The following DLG2 variants were observed in gnomAD, a reference collection of about 807,000 sequenced individuals.
DLG2 encodes disks large homolog 2.
DLG2 carries 45 observed loss-of-function variants against 132.5 expected under a neutral mutation model. The ratio of observed to expected loss-of-function variants is 0.34; its 90% CI spans 0.27 to 0.44. The LOEUF is 0.44. Among genes scored for constraint, DLG2 ranks in the 20% least tolerant of loss-of-function variants. The pLI, the probability that DLG2 is intolerant of heterozygous loss-of-function variation, is 1.00. For missense variants in DLG2, 1,045 were observed against 1,196.9 expected (o/e 0.87, Z 1.87); for synonymous variants, 424 against 419.6 (o/e 1.01, Z -0.13).
intron 6 of DLG2, among the ~76,000 whole-genome samples, chr11:85,061,416 G>A (rs147276222): frequency 6.6e-6 from 1 of 151,736 alleles, no homozygotes; most frequent in African/African-American, 2.4e-5. Context: ...TGGCCTAGAT[G>A]AGTTACAGAA....
intron 4 of DLG2, among the ~76,000 whole-genome samples, chr11:85,278,595 T>C (rs2152748509): frequency 6.6e-6 from 1 of 151,920 alleles, no homozygotes; most frequent in East Asian, 1.9e-4. Flanking sequence ...AGCAAAACTC[T>C]GCCTCAAAGA....
intron 6 of DLG2, among the ~76,000 whole-genome samples, chr11:84,912,411 C>A (rs1211465685): frequency 6.6e-6 from 1 of 152,204 alleles, no homozygotes; most frequent in African/African-American, 2.4e-5. Context: ...CCGCCTGGGC[C>A]TCCCAAAGTG....
intron 6 of DLG2, among the ~76,000 whole-genome samples, chr11:84,546,235 T>C (rs1430055509): frequency 1.3e-5 from 2 of 152,160 alleles, no homozygotes; most frequent in African/African-American, 4.8e-5. Context: ...TGCTGTCTCA[T>C]GACAGAGTTC....
At chr11:83,661,746 G>T (rs902114039) in intron 18 of DLG2, among the ~76,000 whole-genome samples, 1 of 151,868 alleles carries the variant, frequency 6.6e-6, no homozygotes, top group Admixed American at 6.6e-5. Context: ...GCACTGCAAG[G>T]CTCCCTCAAT....
intron 16 of DLG2, among the ~76,000 whole-genome samples, chr11:83,870,589 A>G (rs990693701): frequency 6.6e-6 from 1 of 152,174 alleles, no homozygotes; most frequent in African/African-American, 2.4e-5. Flanking sequence ...CTGTGCCCCA[A>G]ACTAGCACAC....
At chr11:85,031,005 T>A (rs1040689102) in intron 6 of DLG2, among the ~76,000 whole-genome samples, 4 of 152,030 alleles carry the variant, frequency 2.6e-5, no homozygotes, top group African/African-American at 4.8e-5. Context: ...GTTTGTTACA[T>A]GAGTATATCG....
chr11:84,993,242 T>C (rs1387144976), intron 6 of DLG2, among the ~76,000 whole-genome samples: 4 of 151,990 alleles, frequency 2.6e-5, no homozygotes, highest in African/African-American at 9.7e-5. Context: ...GAGGGGAACA[T>C]CACACACTGG....
intron 7 of DLG2, among the ~76,000 whole-genome samples, chr11:84,380,386 AAAGAGTCT>A (rs1306311336): frequency 2.0e-5 from 3 of 152,076 alleles, no homozygotes; most frequent in Non-Finnish European, 4.4e-5. Context: ...AACAAATGTC[AAAGAGTCT>A]ATGCCATAGA....
chr11:83,735,490 T>C (rs1368990849), intron 18 of DLG2, among the ~76,000 whole-genome samples: 1 of 152,332 alleles, frequency 6.6e-6, no homozygotes, highest in Non-Finnish European at 1.5e-5. Context: ...CTTTTAATGA[T>C]AAATTTAATT....
intron 3 of DLG2, chr11:85,336,693 G>C (rs898586266): frequency 2.0e-5 from 3 of 152,570 alleles, no homozygotes; most frequent in Non-Finnish European, 4.4e-5. Flanking sequence ...GGCAAAGTAG[G>C]AGCCCACAGG....
intron 3 of DLG2, among the ~76,000 whole-genome samples, chr11:85,569,565 T>C (rs185688138): frequency 3.9e-5 from 6 of 152,348 alleles, no homozygotes; most frequent in African/African-American, 9.6e-5. Context: ...TTTCATTTCA[T>C]TGTGGTTGAA....
At chr11:85,030,759 C>T (rs1248473386) in intron 6 of DLG2, among the ~76,000 whole-genome samples, 2 of 152,098 alleles carry the variant, frequency 1.3e-5, no homozygotes, top group Non-Finnish European at 2.9e-5. Flanking sequence ...TTTTCTCTTA[C>T]ATTAATCCCA....
chr11:83,751,393 G>T (rs1593626585), intron 18 of DLG2, among the ~76,000 whole-genome samples: 1 of 152,252 alleles, frequency 6.6e-6, no homozygotes, highest in Admixed American at 6.5e-5. Context: ...TTTGGCTTTT[G>T]CTCTGGGTGG....
At chr11:84,714,599 T>TCTCTC (rs1565749771) in intron 6 of DLG2, among the ~76,000 whole-genome samples, 1 of 83,552 alleles carries the variant, frequency 1.2e-5, no homozygotes. Context: ...TTCTCTTTCT[T>TCTCTC]TCTCTTTCTC....
chr11:85,114,329 C>T (rs2073223376), intron 5 of DLG2, among the ~76,000 whole-genome samples: 1 of 151,914 alleles, frequency 6.6e-6, no homozygotes, highest in Non-Finnish European at 1.5e-5. Flanking sequence ...ATGTCTAACT[C>T]TTAGTTAATT....
chr11:84,198,671 G>GC (rs2154297157), intron 8 of DLG2, among the ~76,000 whole-genome samples: 1 of 152,206 alleles, frequency 6.6e-6, no homozygotes, highest in Admixed American at 6.5e-5. Context: ...CTGAATATGA[G>GC]TAAAATAAAA....
intron 6 of DLG2, among the ~76,000 whole-genome samples, chr11:84,767,417 C>T (rs1047208172): frequency 6.6e-6 from 1 of 151,830 alleles, no homozygotes; most frequent in East Asian, 1.9e-4. Flanking sequence ...CATATTTGAA[C>T]CTCTAATTTC....
At chr11:85,312,641 A>G (rs928821235) in intron 3 of DLG2, among the ~76,000 whole-genome samples, 2 of 151,906 alleles carry the variant, frequency 1.3e-5, no homozygotes, top group Admixed American at 6.6e-5. Flanking sequence ...AGAAAATTCA[A>G]GGCAGATTTG....
intron 16 of DLG2, among the ~76,000 whole-genome samples, chr11:83,859,083 T>C (rs2061011807): frequency 6.6e-6 from 1 of 152,234 alleles, no homozygotes; most frequent in Admixed American, 6.5e-5. Flanking sequence ...ACTAGCTATG[T>C]GGAACTGTAA....
Sources: gnomAD v4.1 joint callset for allele counts (sites outside exome capture counted in the v4.1 genomes callset) on GRCh38, gnomAD v4.1.1 for gene constraint, MANE v1.5 for transcripts, NCBI Gene and HGNC (gene_info 2026-07-23, HGNC 2026-07-21) for gene names.